ZMYM2: variants seen among roughly 807,000 people sequenced by gnomAD.
ZMYM2 encodes zinc finger MYM-type containing 2.
A neutral mutation model predicts 162.8 loss-of-function variants in ZMYM2; 56 were observed. That is an observed-to-expected ratio of 0.34 (90% CI 0.28 to 0.43). The LOEUF (loss-of-function observed/expected upper bound fraction) is 0.43, where lower values mean the gene tolerates loss of function less well. Ranked by LOEUF, ZMYM2 falls within the 20% of genes least tolerant of loss-of-function variation. ZMYM2 has a pLI of 1.00. For missense variants in ZMYM2, 1,275 were observed against 1,621.8 expected, an observed-to-expected ratio of 0.79 and a Z score of 3.67; for synonymous variants, 510 against 541.6, an observed-to-expected ratio of 0.94 and a Z score of 0.81.
At chr13:19,944,058 C>T in the ZMYM2 span, among the ~76,000 whole-genome samples, 2 of 151,994 alleles carry the variant, frequency 1.3e-5, no homozygotes, top group African/African-American at 4.8e-5. Flanking sequence ...CAATGGGGGC[C>T]TAGTAGGCAG....
Position 20,060,876 on chromosome 13 carries a change from A to G in ZMYM2, c.2740-177A>G, listed in dbSNP as rs189028311. Among the ~76,000 whole-genome samples, 52 of 152,260 alleles carry G rather than the reference A, an allele frequency of 3.4e-4. No individual in the cohort carries two copies. In the East Asian group the frequency reaches 8.7e-3, roughly 25 times the overall value. On this transcript the variant is annotated intron_variant, in intron 16 of 24. Coordinates refer to ENST00000610343, the MANE Select transcript of ZMYM2 (RefSeq NM_197968.4). ...CTTTAATTTGAATTCCAAAAAGTAG[A>G]TGCTTGTATTCTAGGCTTTCTTATC...
intron 21 of ZMYM2, among the ~76,000 whole-genome samples, chr13:20,080,424 G>T: frequency 6.6e-6 from 1 of 151,566 alleles, no homozygotes; most frequent in Non-Finnish European, 1.5e-5. Flanking sequence ...ATTTAAAATA[G>T]GCTTTTTGTA....
At chr13:19,920,623 G>C in the ZMYM2 span, among the ~76,000 whole-genome samples, 1 of 151,600 alleles carries the variant, frequency 6.6e-6, no homozygotes, top group African/African-American at 2.4e-5. Flanking sequence ...GAGAAGGAGA[G>C]TCGGGAGGGG....
the ZMYM2 span, among the ~76,000 whole-genome samples, chr13:19,909,492 G>T: frequency 6.9e-6 from 1 of 144,504 alleles, no homozygotes; most frequent in African/African-American, 2.5e-5. Context: ...GAGTGCAATG[G>T]AGCAGTCTTG....
intron 12 of ZMYM2, among the ~76,000 whole-genome samples, chr13:20,038,107 C>T (rs187712534): frequency 4.7e-4 from 71 of 152,224 alleles, no homozygotes; most frequent in Middle Eastern, 3.4e-3. Flanking sequence ...TATCCATGTT[C>T]CTGCAGGGTA....
At position 20,026,590 on chromosome 13, in the gene ZMYM2, CTT is replaced by C; in HGVS notation, c.1585-18_1585-17del. 1 of 1,571,036 alleles carries C rather than the reference CTT, an allele frequency of 6.4e-7. No individual in the cohort carries two copies. Among genetic ancestry groups the C allele is most frequent in the Non-Finnish European group, 8.6e-7 (1 of 1,166,142 alleles). ...GTTAAGTTGTAGTCTTAAAAATTAT[CTT>C]TTTATGTTTCAAATTTTAGAAATAT... On this transcript the variant is annotated intron_variant, in intron 7 of 24. Transcript: ENST00000610343.
chr13:19,997,083 G>A (rs1277135502), intron 3 of ZMYM2, among the ~76,000 whole-genome samples: 2 of 152,092 alleles, frequency 1.3e-5, no homozygotes, highest in Admixed American at 6.6e-5. Flanking sequence ...CAATGCTTTG[G>A]GTGGTTGTCT....
the ZMYM2 span, among the ~76,000 whole-genome samples, chr13:19,926,824 C>T: frequency 3.9e-5 from 6 of 152,106 alleles, no homozygotes; most frequent in South Asian, 2.1e-4. Flanking sequence ...CACATCACTA[C>T]GCCTGGCTAA....
At chr13:19,918,495 C>CTTTTTTTTTTTTT in the ZMYM2 span, among the ~76,000 whole-genome samples, 11 of 107,504 alleles carry the variant, frequency 1.0e-4, no homozygotes, top group Non-Finnish European at 1.9e-4. Flanking sequence ...TTCTTTCTTT[C>CTTTTTTTTTTTTT]TTTTTTTTTT....
intron 9 of ZMYM2, among the ~76,000 whole-genome samples, chr13:20,030,588 CG>C (rs1953022957): frequency 1.3e-5 from 2 of 152,042 alleles, no homozygotes; most frequent in Admixed American, 6.6e-5. Context: ...TTAGTAGAGA[CG>C]GGGTTTTACC....
intron 2 of ZMYM2, among the ~76,000 whole-genome samples, chr13:19,971,153 G>A (rs1228695877): frequency 6.6e-6 from 1 of 150,382 alleles, no homozygotes; most frequent in Non-Finnish European, 1.5e-5. Context: ...AGAATTGTAG[G>A]CTTTCTCCTA....
chr13:20,021,076 C>T (rs903360430), intron 7 of ZMYM2, among the ~76,000 whole-genome samples: 5 of 151,186 alleles, frequency 3.3e-5, no homozygotes, highest in African/African-American at 9.8e-5. Context: ...TCCAGGTTAA[C>T]GCCATTCTCC....
At chr13:19,925,899 T>C in the ZMYM2 span, among the ~76,000 whole-genome samples, 2 of 150,694 alleles carry the variant, frequency 1.3e-5, no homozygotes, top group East Asian at 3.9e-4. Flanking sequence ...TATAATACTC[T>C]CATAACAGGG....
chr13:19,884,507 G>A, the ZMYM2 span, among the ~76,000 whole-genome samples: 8 of 152,134 alleles, frequency 5.3e-5, no homozygotes, highest in East Asian at 7.7e-4. Context: ...GAACCCGAAA[G>A]GCTTGCAGTG....
chr13:20,022,407 A>G lies in ZMYM2; in HGVS notation c.1584+2789A>G, dbSNP rs985286249. ...CTTCGTGCACATCAGGAAGCACATG[A>G]TGTCTATGTTTTCCATTATTGTGTG... is the stretch of plus-strand genomic sequence containing the variant. On this transcript the variant is annotated intron_variant, in intron 7 of 24. Transcript: ENST00000610343. 2.0e-5 allele frequency among the ~76,000 whole-genome samples: 3 copies of G among 152,154 alleles called. No individual in the cohort carries two copies. In the East Asian group the frequency reaches 5.8e-4, roughly 29 times the overall value.
intron 9 of ZMYM2, among the ~76,000 whole-genome samples, chr13:20,030,645 G>C (rs554109509): frequency 6.6e-6 from 1 of 152,104 alleles, no homozygotes; most frequent in Non-Finnish European, 1.5e-5. Context: ...TGATCCGCCC[G>C]CCTTGGCCTC....
chr13:19,923,089 C>G, the ZMYM2 span, among the ~76,000 whole-genome samples: 1 of 150,106 alleles, frequency 6.7e-6, no homozygotes, highest in East Asian at 2.0e-4. Flanking sequence ...CCTGTAATCC[C>G]AGCACTTTGG....
rs769165157 is a variant in ZMYM2, at chr13:20,061,132, A to G, written c.2819A>G (p.Lys940Arg). The stretch of plus-strand genomic sequence containing the variant: ...GCAGCAATTGAGGAGCTAAAAAGCA[A>G]GGTTTCTTCAGATGCTCTTGATACA... ...IPAAIEELKSKVSSDALDTEL... is the reference protein window; with the variant it reads ...IPAAIEELKSRVSSDALDTEL... Residue 940 changes from lysine to arginine, a missense_variant, in exon 17 of 25, where the codon AAG (lysine) becomes AGG (arginine). Coordinates refer to ENST00000610343, the MANE Select transcript of ZMYM2 (RefSeq NM_197968.4). The G allele has an allele frequency of 5.0e-6, 8 of 1,613,464 alleles. No individual in the cohort carries two copies. In the South Asian group the frequency reaches 6.6e-5, roughly 13 times the overall value.
chr13:19,962,427 A>G (rs1955318297), intron 2 of ZMYM2, among the ~76,000 whole-genome samples: 1 of 150,116 alleles, frequency 6.7e-6, no homozygotes, highest in African/African-American at 2.5e-5. Context: ...ACCATTTGAC[A>G]ATATTATTAA....
Sources: gnomAD v4.1 joint callset for allele counts (sites outside exome capture counted in the v4.1 genomes callset) on GRCh38, gnomAD v4.1.1 for gene constraint, MANE v1.5 for transcripts, NCBI Gene and HGNC (gene_info 2026-07-23, HGNC 2026-07-21) for gene names.